Variants in QRICH1 observed in about 807,000 individuals in gnomAD.
QRICH1 encodes the protein glutamine rich 1, also known as transcriptional regulator QRICH1.
A neutral mutation model predicts 87.1 loss-of-function variants in QRICH1; 16 were observed. The ratio of observed to expected loss-of-function variants is 0.18; its 90% CI spans 0.12 to 0.28. The LOEUF (loss-of-function observed/expected upper bound fraction) is 0.28, where lower values mean the gene tolerates loss of function less well. Among genes scored for constraint, QRICH1 ranks in the 10% least tolerant of loss-of-function variants. The probability of loss-of-function intolerance (pLI) is 1.00; values close to 1 mark genes in which losing one functional copy is unlikely to be tolerated. For synonymous variants in QRICH1, 367 were observed against 368.4 expected (o/e 1.00, Z 0.05); for missense variants, 647 against 951.7 (o/e 0.68, Z 4.21).
chr3:49,037,313 A>C (rs1340806789), intron 6 of QRICH1, among the ~76,000 whole-genome samples: 1 of 152,236 alleles, frequency 6.6e-6, no homozygotes. Flanking sequence ...CATGGGGAAA[A>C]AAGAACATGT....
intron 1 of QRICH1, among the ~76,000 whole-genome samples, chr3:49,079,825 T>G (rs2042023702): frequency 6.6e-6 from 1 of 152,262 alleles, no homozygotes; most frequent in South Asian, 2.1e-4. Flanking sequence ...GGTCAGGAGT[T>G]TGAGACCAGC....
At chr3:49,049,394 G>C (rs1043864959) in intron 3 of QRICH1, among the ~76,000 whole-genome samples, 6 of 151,936 alleles carry the variant, frequency 3.9e-5, no homozygotes, top group Non-Finnish European at 7.4e-5. Context: ...ACAGTGAGCT[G>C]AGACAGTGCC....
chr3:49,030,898 C>T lies in QRICH1; in HGVS notation c.2139-254G>A, dbSNP rs113792758. 7.5e-3 allele frequency among the ~76,000 whole-genome samples: 1,140 copies of T among 152,250 alleles called. 10 individuals carry two copies. Among genetic ancestry groups the T allele is most frequent in the African/African-American group, 0.026 (1,087 of 41,520 alleles). On this transcript the variant is annotated intron_variant, in intron 9 of 9. Transcript: ENST00000395443. ...AGCTGTGATCCATCACTGACTGCACCAGCCTAGGGCTCTCATGGACTCATG... is the reference window on the plus strand; with the variant it reads ...AGCTGTGATCCATCACTGACTGCACTAGCCTAGGGCTCTCATGGACTCATG...
rs535827028 is a variant in QRICH1, at chr3:49,051,935, G to A, written c.1339-4689C>T. On this transcript the variant is annotated intron_variant, in intron 3 of 9. Transcript: ENST00000395443. Reference sequence around the variant, plus strand: ...AAATGTCTATCAGTGGGTGGAGGAGGCAATAATGCAACCCAGGTTGAAAGC... The same window carrying A: ...AAATGTCTATCAGTGGGTGGAGGAGACAATAATGCAACCCAGGTTGAAAGC... Among the ~76,000 whole-genome samples, 5 of 152,286 alleles carry A rather than the reference G, an allele frequency of 3.3e-5. No homozygotes were observed. In the South Asian group the frequency reaches 8.3e-4, roughly 25 times the overall value.
At chr3:49,032,894 C>A in intron 7 of QRICH1, 121 bp from the exon 8 acceptor site, 2 of 1,268,398 alleles carry the variant, frequency 1.6e-6, no homozygotes, top group East Asian at 4.9e-5. Context: ...TGGGCAGGCC[C>A]GTACCCAAGC....
intron 2 of QRICH1, among the ~76,000 whole-genome samples, chr3:49,072,398 C>T (rs986526565): frequency 2.0e-5 from 3 of 151,752 alleles, no homozygotes; most frequent in Admixed American, 1.3e-4. Context: ...TGGTGGTGTG[C>T]GCCTGTGGTC....
intron 2 of QRICH1, among the ~76,000 whole-genome samples, chr3:49,067,684 A>G (rs2093476388): frequency 6.6e-6 from 1 of 152,110 alleles, no homozygotes; most frequent in Admixed American, 6.6e-5. Context: ...TAATCATATT[A>G]AGAATCTGGC....
At chr3:49,051,782 C>T (rs2093372767) in intron 3 of QRICH1, among the ~76,000 whole-genome samples, 1 of 152,128 alleles carries the variant, frequency 6.6e-6, no homozygotes, top group Non-Finnish European at 1.5e-5. Flanking sequence ...TCTGGCTGAA[C>T]AAGTAGGCAG....
At chr3:49,036,173 T>C (rs1304785012) in intron 6 of QRICH1, among the ~76,000 whole-genome samples, 3 of 152,006 alleles carry the variant, frequency 2.0e-5, no homozygotes, top group Non-Finnish European at 4.4e-5. Flanking sequence ...GGGCTATAGA[T>C]AAAAAAAACC....
At chr3:49,030,991 C>CTTTTTTTTTTTTTTTTTTTTTTTT (rs1162254467) in intron 9 of QRICH1, among the ~76,000 whole-genome samples, 1 of 132,452 alleles carries the variant, frequency 7.5e-6, no homozygotes, top group African/African-American at 2.8e-5. Flanking sequence ...AGTCTTTGCG[C>CTTTTTTTTTTTTTTTTTTTTTTTT]TTTTTTTTTT....
rs2093407674 is a variant in QRICH1, at chr3:49,057,195, T to C, written c.1005A>G (p.Glu335=). 1 of 1,614,092 alleles carries C rather than the reference T, an allele frequency of 6.2e-7. No homozygotes were observed. Among genetic ancestry groups the C allele is most frequent in the African/African-American group, 1.3e-5 (1 of 74,936 alleles). Residue 335 remains glutamate, a synonymous_variant, in exon 3 of 10, where the codon GAA becomes GAG. Coordinates refer to ENST00000395443, the MANE Select transcript of QRICH1 (RefSeq NM_198880.3). The surrounding 1 kb of genome is among the most constrained non-coding windows in gnomAD (Gnocchi z 5.4). ...CACTGACGTGAACTGCGTTGTAGGC[T>C]TCCTGGGGAATGGCAATGTGGGTAA... is the stretch of plus-strand genomic sequence containing the variant. ...QSITHIAIPQ[E]AYNAVHVSGS... is the part of the protein sequence containing the mutation.
chr3:49,088,303 T>C (rs1281037226), intron 1 of QRICH1, among the ~76,000 whole-genome samples: 2 of 151,980 alleles, frequency 1.3e-5, no homozygotes, highest in Non-Finnish European at 2.9e-5. Flanking sequence ...CTTTGTATTT[T>C]TATTTTTTTG....
chr3:49,084,925 C>G (rs1335936769), intron 1 of QRICH1, among the ~76,000 whole-genome samples: 1 of 152,090 alleles, frequency 6.6e-6, no homozygotes, highest in Non-Finnish European at 1.5e-5. Flanking sequence ...GGCAGATCAC[C>G]AGATCAGGAG....
In QRICH1 at chr3:49,056,773, AAAT is replaced by A. The variant is rs756402560; in HGVS notation, c.1338+86_1338+88del. 1.9e-6 allele frequency: 3 copies of A among 1,581,268 alleles called. No individual in the cohort carries two copies. The South Asian group carries it at 3.4e-5, about 18-fold the overall frequency. ...GCATCACTGTAAGAGTAACAGCAGT[AAAT>A]AAGCCAGAGGTTGCGAGGCAAGCTC... On this transcript the variant is annotated intron_variant, in intron 3 of 9. Transcript: ENST00000395443.
chr3:49,058,865 T>C (rs2093418087), intron 2 of QRICH1, among the ~76,000 whole-genome samples: 1 of 152,130 alleles, frequency 6.6e-6, no homozygotes, highest in Non-Finnish European at 1.5e-5. Context: ...CGACCTCAAG[T>C]GATCCGCCCA....
chr3:49,066,204 C>A (rs1018553123), intron 2 of QRICH1, among the ~76,000 whole-genome samples: 1 of 151,972 alleles, frequency 6.6e-6, no homozygotes, highest in African/African-American at 2.4e-5. Flanking sequence ...GGGAGAACTA[C>A]TTGAACTCAA....
intron 3 of QRICH1, among the ~76,000 whole-genome samples, chr3:49,050,623 C>T (rs1217039847): frequency 6.6e-6 from 1 of 151,992 alleles, no homozygotes; most frequent in Admixed American, 6.6e-5. Context: ...ATTCAATCTG[C>T]AGCGTTGTGA....
intron 3 of QRICH1, among the ~76,000 whole-genome samples, chr3:49,051,928 G>T (rs1464993400): frequency 6.6e-6 from 1 of 152,184 alleles, no homozygotes; most frequent in Non-Finnish European, 1.5e-5. Context: ...ATCAGTGGGT[G>T]GAGGAGGCAA....
At chr3:49,052,602 T>C (rs1215184741) in intron 3 of QRICH1, among the ~76,000 whole-genome samples, 2 of 152,186 alleles carry the variant, frequency 1.3e-5, no homozygotes, top group African/African-American at 2.4e-5. Context: ...ACCTCCCAGG[T>C]TCAGGCAATT....
Sources: gnomAD v4.1 joint callset for allele counts (sites outside exome capture counted in the v4.1 genomes callset) on GRCh38, gnomAD v4.1.1 for gene constraint, Gnocchi (gnomAD v3.1) non-coding constraint, MANE v1.5 for transcripts, NCBI Gene and HGNC (gene_info 2026-07-23, HGNC 2026-07-21) for gene names.